Variants in TUSC3 observed in about 807,000 individuals in gnomAD.
TUSC3 encodes tumor suppressor candidate 3.
Under a neutral mutation model 44.8 loss-of-function variants are expected in TUSC3, and 45 were observed. That is an observed-to-expected ratio of 1.00 (90% CI 0.79 to 1.29). TUSC3 has a LOEUF of 1.29. Among genes scored for constraint, TUSC3 ranks in the 50% most tolerant of loss-of-function variants. The probability of loss-of-function intolerance (pLI) is 0.00; values close to 1 mark genes in which losing one functional copy is unlikely to be tolerated. For missense variants in TUSC3, 519 were observed against 437.9 expected, an observed-to-expected ratio of 1.19 and a Z score of -1.65; for synonymous variants, 212 against 152.9, an observed-to-expected ratio of 1.39 and a Z score of -2.85.
intron 2 of TUSC3, among the ~76,000 whole-genome samples, chr8:15,518,556 TTATGAAAATACAA>T (rs1311956379): frequency 6.6e-6 from 1 of 152,182 alleles, no homozygotes; most frequent in Non-Finnish European, 1.5e-5. Context: ...TCACTTCTCC[TTATGAAAATACAA>T]TCTCAGCTTT....
chr8:15,683,288 G>A (rs935132042), intron 6 of TUSC3, among the ~76,000 whole-genome samples: 20 of 152,136 alleles, frequency 1.3e-4, no homozygotes, highest in African/African-American at 4.8e-4. Flanking sequence ...ATGAATCATA[G>A]ATTTGGTTGT....
At chr8:15,509,313 A>G (rs1469477720) in intron 2 of TUSC3, among the ~76,000 whole-genome samples, 1 of 152,218 alleles carries the variant, frequency 6.6e-6, no homozygotes, top group African/African-American at 2.4e-5. Flanking sequence ...CGTGAAATTC[A>G]AAATCATAAT....
At chr8:15,676,463 C>T (rs1228065511) in intron 6 of TUSC3, among the ~76,000 whole-genome samples, 5 of 152,108 alleles carry the variant, frequency 3.3e-5, no homozygotes, top group Non-Finnish European at 7.4e-5. Context: ...TGTGCCAAAG[C>T]CTTTTAGTTT....
At chr8:15,843,854 G>A in the TUSC3 span, among the ~76,000 whole-genome samples, 4 of 152,062 alleles carry the variant, frequency 2.6e-5, no homozygotes, top group Non-Finnish European at 5.9e-5. Flanking sequence ...GATCTGTCCT[G>A]AACTGTTAAT....
intron 1 of TUSC3, among the ~76,000 whole-genome samples, chr8:15,479,069 A>T (rs995446204): frequency 9.9e-5 from 15 of 152,208 alleles, no homozygotes; most frequent in African/African-American, 3.4e-4. Flanking sequence ...TGTTGGCCTC[A>T]TAAATGTCTT....
Position 15,747,284 on chromosome 8 carries a change from T to C in TUSC3, c.938-1091T>C, listed in dbSNP as rs182384574. On this transcript the variant is annotated intron_variant, in intron 8 of 10. Coordinates refer to ENST00000503731, the MANE Select transcript of TUSC3 (RefSeq NM_006765.4). The stretch of plus-strand genomic sequence containing the variant: ...TTTGATTTTCCTTATTTTCTTCTGC[T>C]TTAATCTTTCTCTATTTTACAAATA... 1.6e-4 allele frequency among the ~76,000 whole-genome samples: 25 copies of C among 152,184 alleles called. No homozygotes were observed. In the East Asian group the frequency reaches 3.7e-3, roughly 22 times the overall value.
At chr8:15,688,132 A>G (rs1235856786) in intron 6 of TUSC3, among the ~76,000 whole-genome samples, 2 of 152,234 alleles carry the variant, frequency 1.3e-5, no homozygotes, top group Middle Eastern at 3.4e-3. Flanking sequence ...CATTGGAAAG[A>G]GTCCTGTGGT....
At chr8:15,687,630 C>G (rs1378992501) in intron 6 of TUSC3, among the ~76,000 whole-genome samples, 1 of 152,120 alleles carries the variant, frequency 6.6e-6, no homozygotes. Flanking sequence ...ATTGCCAGCC[C>G]AGACTGCTCT....
intron 1 of TUSC3, among the ~76,000 whole-genome samples, chr8:15,549,883 T>G (rs112910964): frequency 8.2e-4 from 124 of 151,680 alleles, no homozygotes; most frequent in Middle Eastern, 3.4e-3. Context: ...GACACTGAAT[T>G]GTAGAAGGAA....
intron 2 of TUSC3, among the ~76,000 whole-genome samples, chr8:15,521,601 G>A (rs1801297005): frequency 6.8e-6 from 1 of 147,374 alleles, no homozygotes; most frequent in Admixed American, 6.6e-5. Context: ...TAACACAAAC[G>A]ATAGGTAATT....
chr8:15,717,702 A>T (rs1328635824), intron 6 of TUSC3, among the ~76,000 whole-genome samples: 1 of 152,132 alleles, frequency 6.6e-6, no homozygotes, highest in East Asian at 1.9e-4. Flanking sequence ...TTGGACATAT[A>T]GCTAAATTGG....
chr8:15,755,828 T>C (rs80260144), intron 9 of TUSC3, among the ~76,000 whole-genome samples: 3,261 of 152,138 alleles, frequency 0.021, 100 homozygotes, highest in African/African-American at 0.072. Context: ...ACATGAACTT[T>C]AGTGCTTGCC....
chr8:15,625,062 C>A (rs1338924428), intron 2 of TUSC3, among the ~76,000 whole-genome samples: 1 of 152,046 alleles, frequency 6.6e-6, no homozygotes, highest in South Asian at 2.1e-4. Context: ...CAGTTTTTAT[C>A]ATGAATGAGG....
At chr8:15,760,004 G>A (rs768052270) in intron 10 of TUSC3, among the ~76,000 whole-genome samples, 2 of 151,988 alleles carry the variant, frequency 1.3e-5, no homozygotes, top group African/African-American at 4.8e-5. Context: ...TGAGTACCTT[G>A]TGTCTTTTTC....
intron 1 of TUSC3, among the ~76,000 whole-genome samples, chr8:15,618,833 G>T (rs757740775): frequency 6.6e-6 from 1 of 152,130 alleles, no homozygotes; most frequent in Non-Finnish European, 1.5e-5. Context: ...GGAGTAAAAC[G>T]GTGTGCTGCA....
At chr8:15,839,145 T>C in the TUSC3 span, among the ~76,000 whole-genome samples, 1 of 152,188 alleles carries the variant, frequency 6.6e-6, no homozygotes, top group South Asian at 2.1e-4. Flanking sequence ...TCACTCATGA[T>C]TTGGCTCTCT....
chr8:15,822,088 G>A, the TUSC3 span, among the ~76,000 whole-genome samples: 11 of 152,134 alleles, frequency 7.2e-5, no homozygotes, highest in Non-Finnish European at 1.5e-4. Context: ...TACTGAGTAG[G>A]AAAGAAAGTG....
chr8:15,706,462 AC>A (rs1310496208), intron 6 of TUSC3, among the ~76,000 whole-genome samples: 1 of 152,012 alleles, frequency 6.6e-6, no homozygotes, highest in Non-Finnish European at 1.5e-5. Context: ...TTAAGAAAGA[AC>A]CCTTCAAACT....
the TUSC3 span, among the ~76,000 whole-genome samples, chr8:15,827,361 T>C: frequency 6.6e-6 from 1 of 152,324 alleles, no homozygotes; most frequent in Non-Finnish European, 1.5e-5. Context: ...TAGTGTCATA[T>C]ATGATATTCA....
Sources: gnomAD v4.1 joint callset for allele counts (sites outside exome capture counted in the v4.1 genomes callset) on GRCh38, gnomAD v4.1.1 for gene constraint, MANE v1.5 for transcripts, NCBI Gene and HGNC (gene_info 2026-07-23, HGNC 2026-07-21) for gene names.